The following NTMT1 variants were observed in gnomAD, a reference collection of about 807,000 sequenced individuals.
NTMT1 encodes N-terminal RCC1 methyltransferase.
NTMT1 carries 8 observed loss-of-function variants against 17.5 expected under a neutral mutation model. That is an observed-to-expected ratio of 0.46 (90% confidence interval 0.27 to 0.82). The LOEUF (loss-of-function observed/expected upper bound fraction) is 0.82. Ranked by LOEUF, NTMT1 falls within the 40% of genes least tolerant of loss-of-function variation. The pLI is 0.15. For synonymous variants in NTMT1, 128 were observed against 126.8 expected (o/e 1.01, Z -0.06); for missense variants, 221 against 303.5 (o/e 0.73, Z 2.02).
At chr9:129,612,677 A>G (rs963757672) in intron 1 of NTMT1, among the ~76,000 whole-genome samples, 3 of 152,250 alleles carry the variant, frequency 2.0e-5, no homozygotes, top group Admixed American at 2.0e-4. Flanking sequence ...CAGGAGTTCA[A>G]GACCAGCCTG....
In NTMT1 at chr9:129,620,357, A is replaced by T. The variant is rs1830628162; in HGVS notation, c.-55+11179A>T. On this transcript the variant is annotated intron_variant, in intron 1 of 3. Coordinates refer to the NTMT1 transcript ENST00000372486. This position sits in a 1 kb window ranked among gnomAD's most constrained non-coding sequence, Gnocchi z 5.8. Reference sequence around the variant, plus strand: ...GGGCAGGCGCGGCGGGAGGCGTCCGACGCCCACCCCGGGCTTGGCGTCCCC... The same window carrying T: ...GGGCAGGCGCGGCGGGAGGCGTCCGTCGCCCACCCCGGGCTTGGCGTCCCC... 6.5e-6 allele frequency: 8 copies of T among 1,225,390 alleles called. No homozygotes were observed. Among genetic ancestry groups the T allele is most frequent in the African/African-American group, 1.6e-5 (1 of 62,616 alleles). 75.9% of individuals were successfully genotyped at this position (1,225,390 alleles called of 1,614,324 possible).
chr9:129,620,391 A>C lies in NTMT1; in HGVS notation c.-55+11213A>C. 1 of 1,231,720 alleles carries C rather than the reference A, an allele frequency of 8.1e-7. No individual in the cohort carries two copies. Among genetic ancestry groups the C allele is most frequent in the Non-Finnish European group, 1.0e-6 (1 of 987,954 alleles). The allele number at this position is 1,231,720 out of a possible 1,614,324, so 76.3% of individuals were successfully genotyped here. A position where few individuals can be genotyped will look rare whatever the true frequency, so the allele number is the denominator to read the frequency against. On this transcript the variant is annotated intron_variant, in intron 1 of 3. Transcript: ENST00000372486. This position sits in a 1 kb window ranked among gnomAD's most constrained non-coding sequence, Gnocchi z 5.8. ...CCGGGCTTGGCGTCCCCTTCCGGCC[A>C]CCACGCGGCGCCGCCCCCCGGGATC...
At chr9:129,629,122 G>T (rs994666482) in intron 1 of NTMT1, among the ~76,000 whole-genome samples, 2 of 152,148 alleles carry the variant, frequency 1.3e-5, no homozygotes, top group African/African-American at 4.8e-5. Flanking sequence ...CTCCCAAAGG[G>T]CTCAGGTTAT....
At chr9:129,615,292 C>T (rs1048806494) in intron 1 of NTMT1, among the ~76,000 whole-genome samples, 10 of 152,216 alleles carry the variant, frequency 6.6e-5, no homozygotes, top group Non-Finnish European at 1.0e-4. Flanking sequence ...GACTCTGGAC[C>T]CTCTACTTGG....
chr9:129,620,464 C>T lies in NTMT1; in HGVS notation c.-55+11286C>T. 7.5e-7 allele frequency: 1 copy of T among 1,341,138 alleles called. No individual in the cohort carries two copies. Among genetic ancestry groups the T allele is most frequent in the Non-Finnish European group, 9.6e-7 (1 of 1,043,030 alleles). 83.1% of individuals were successfully genotyped at this position (1,341,138 alleles called of 1,614,324 possible). A position where few individuals can be genotyped will look rare whatever the true frequency, so the allele number is the denominator to read the frequency against. ...CGCCCAGAGCCGCTCGGAGCGCGGGCGGGGTCAGCTTGGGCAGCCGCGGGT... is the reference window on the plus strand; with the variant it reads ...CGCCCAGAGCCGCTCGGAGCGCGGGTGGGGTCAGCTTGGGCAGCCGCGGGT... On this transcript the variant is annotated intron_variant, in intron 1 of 3. Transcript: ENST00000372486. The surrounding 1 kb of genome is among the most constrained non-coding windows in gnomAD (Gnocchi z 5.8).
upstream of NTMT1, among the ~76,000 whole-genome samples, chr9:129,623,442 C>G (rs1342404986): frequency 6.6e-6 from 1 of 152,184 alleles, no homozygotes; most frequent in South Asian, 2.1e-4. Flanking sequence ...GAAGTGTCTT[C>G]TTTCTCAGGA....
At chr9:129,611,944 G>A (rs994866902) in intron 1 of NTMT1, among the ~76,000 whole-genome samples, 11 of 151,906 alleles carry the variant, frequency 7.2e-5, no homozygotes, top group Admixed American at 2.6e-4. Flanking sequence ...TTAAGAGACA[G>A]GGTCTATGTT....
rs372784799 is a variant in NTMT1, at chr9:129,632,839, C to T, written c.136C>T (p.Arg46Trp). 22 of 1,614,126 alleles carry T rather than the reference C, an allele frequency of 1.4e-5. No individual in the cohort carries two copies. Among genetic ancestry groups the T allele is most frequent in the South Asian group, 3.3e-5 (3 of 91,070 alleles). ...CTCCAGCATCGACATCAACAGCTCC[C>T]GGAAGTTTCTGCAGAGGTTTTTGAG... ...HISSIDINSS[R>W]KFLQRFLREG... Residue 46 changes from arginine (R) to tryptophan (W), a missense_variant, in exon 2 of 4, where the codon CGG becomes TGG. Coordinates refer to ENST00000372483, the MANE Select transcript of NTMT1 (RefSeq NM_014064.4).
chr9:129,635,435 T>C lies in NTMT1; in HGVS notation c.643T>C (p.Tyr215His), dbSNP rs1322765673. The change falls in exon 4 of 4, where the codon TAC becomes CAC. Residue 215 changes from tyrosine (Y) to histidine (H), a missense_variant. By Grantham distance (83) the Tyr-to-His change is moderately conservative (BLOSUM62 2). Coordinates refer to ENST00000372483, the MANE Select transcript of NTMT1 (RefSeq NM_014064.4). ...ERQENLPDEI[Y>H]HVYSFALR ...GCAGGAGAACCTCCCCGATGAGATCTACCATGTCTATAGCTTTGCCCTGAG... is the reference window on the plus strand; with the variant it reads ...GCAGGAGAACCTCCCCGATGAGATCCACCATGTCTATAGCTTTGCCCTGAG... 1 of 1,613,318 alleles carries C rather than the reference T, an allele frequency of 6.2e-7. No individual in the cohort carries two copies. Among genetic ancestry groups the C allele is most frequent in the East Asian group, 2.2e-5 (1 of 44,852 alleles).
At position 129,614,771 on chromosome 9, in the gene NTMT1, G is replaced by A. The variant is rs981329561; in HGVS notation, c.-55+5593G>A. Reference sequence around the variant, plus strand: ...TACAAAATTAGCCAGGGGCGGTGGCGCATGCCTGTAATCCCAGGTACTCAG... The same window carrying A: ...TACAAAATTAGCCAGGGGCGGTGGCACATGCCTGTAATCCCAGGTACTCAG... On this transcript the variant is annotated intron_variant, in intron 1 of 3. Coordinates refer to the NTMT1 transcript ENST00000372486. This position sits in a 1 kb window ranked among gnomAD's most constrained non-coding sequence, Gnocchi z 4.4. Among the ~76,000 whole-genome samples, 1 of 152,104 alleles carries A rather than the reference G, an allele frequency of 6.6e-6. No homozygotes were observed. The highest frequency in any genetic ancestry group is 2.4e-5 in the African/African-American group (1 of 41,476).
In NTMT1 at chr9:129,635,673, G is replaced by C. The variant is rs532750590; in HGVS notation, c.*209G>C. 1.6e-6 allele frequency: 1 copy of C among 614,148 alleles called. No homozygotes were observed. Among genetic ancestry groups the C allele is most frequent in the South Asian group, 2.0e-5 (1 of 50,096 alleles). The allele number at this position is 614,148 out of a possible 1,614,324, so 38.0% of individuals were successfully genotyped here. Reference sequence around the variant, plus strand: ...TGCTGCTGAACCAGCGGTGAGGCAGGAGCCCAGACCCTGCTCTCCTGCGAG... The same window carrying C: ...TGCTGCTGAACCAGCGGTGAGGCAGCAGCCCAGACCCTGCTCTCCTGCGAG... On this transcript the variant is annotated 3_prime_UTR_variant, in exon 4 of 4. Transcript: ENST00000372483.
intron 1 of NTMT1, among the ~76,000 whole-genome samples, chr9:129,611,158 C>G (rs1181813713): frequency 6.6e-6 from 1 of 152,240 alleles, no homozygotes; most frequent in African/African-American, 2.4e-5. Context: ...ACCGCCCAGG[C>G]CAGTCCCACC....
At chr9:129,634,959 T>C (rs771151370) in intron 3 of NTMT1, 15 of 525,752 alleles carry the variant, frequency 2.9e-5, no homozygotes, top group Non-Finnish European at 5.1e-5. Flanking sequence ...CAGGCAGGAC[T>C]TGTAAGCCAT....
At chr9:129,612,955 GGCGTGGCCACT>G in intron 1 of NTMT1, 2 of 917,332 alleles carry the variant, frequency 2.2e-6, no homozygotes, top group Non-Finnish European at 3.2e-6. Context: ...AGGAACACAG[GGCGTGGCCACT>G]GCAAGCCCCC....
intron 1 of NTMT1, chr9:129,612,322 C>A (rs78833435): frequency 0.16 from 250,316 of 1,589,356 alleles, 22,940 homozygotes; most frequent in Admixed American, 0.32. Flanking sequence ...CCCATGTGTG[C>A]CCCTGGCCTT....
chr9:129,610,505 C>T (rs966570700), intron 1 of NTMT1, among the ~76,000 whole-genome samples: 2 of 151,844 alleles, frequency 1.3e-5, no homozygotes, highest in Non-Finnish European at 2.9e-5. Context: ...GGCGCGTTTC[C>T]CCCCACCCGC....
In NTMT1 at chr9:129,635,869, C is replaced by T. The variant is rs1015152359; in HGVS notation, c.*405C>T. On this transcript the variant is annotated 3_prime_UTR_variant, in exon 4 of 4. Transcript: ENST00000372483. ...AACTTGGTTGCTGGGGACTTGAAGA[C>T]TTCAGTGTGATCTTTACCTAGGGGA... The T allele has an allele frequency of 3.3e-5, 7 of 215,200 alleles. No individual in the cohort carries two copies. The highest frequency in any genetic ancestry group is 1.1e-4 in the Admixed American group (2 of 18,536). 13.3% of individuals were successfully genotyped at this position (215,200 alleles called of 1,614,324 possible).
chr9:129,610,586 C>T (rs1336269483), intron 1 of NTMT1, among the ~76,000 whole-genome samples: 1 of 151,942 alleles, frequency 6.6e-6, no homozygotes, highest in Non-Finnish European at 1.5e-5. Context: ...GCGGAGCCAG[C>T]AGCGCGGAGG....
intron 1 of NTMT1, among the ~76,000 whole-genome samples, chr9:129,617,394 T>G (rs1830444406): frequency 6.6e-6 from 1 of 152,244 alleles, no homozygotes; most frequent in Admixed American, 6.5e-5. Flanking sequence ...AACCCAGCTC[T>G]GCCCACCTGC....
Sources: gnomAD v4.1 joint callset for allele counts (sites outside exome capture counted in the v4.1 genomes callset) on GRCh38, gnomAD v4.1.1 for gene constraint, Gnocchi (gnomAD v3.1) non-coding constraint, MANE v1.5 for transcripts, NCBI Gene and HGNC (gene_info 2026-07-23, HGNC 2026-07-21) for gene names.